LRBA: variants seen among roughly 807,000 people sequenced by gnomAD.
LRBA encodes the protein lipopolysaccharide-responsive and beige-like anchor protein.
In LRBA, 176 loss-of-function variants were observed where a neutral mutation model predicts 330.0. That is an observed-to-expected ratio of 0.53 (90% CI 0.47 to 0.60). The LOEUF (loss-of-function observed/expected upper bound fraction) is 0.60. LRBA is among the 20% of genes least tolerant of loss of function. The pLI, the probability that LRBA is intolerant of heterozygous loss-of-function variation, is 0.00. For missense variants in LRBA, 3,259 were observed against 3,444.8 expected (o/e 0.95, Z 1.35); for synonymous variants, 1,230 against 1,193.0 (o/e 1.03, Z -0.64).
rs775094865 is a variant in LRBA, at chr4:150,806,380, A to T, written c.5409T>A (p.Ala1803=). 5 of 1,609,386 alleles carry T rather than the reference A, an allele frequency of 3.1e-6. No individual in the cohort carries two copies. Among genetic ancestry groups the T allele is most frequent in the Non-Finnish European group, 4.2e-6 (5 of 1,178,140 alleles). The change falls in exon 33 of 57, where the codon GCT becomes GCA. Residue 1803 remains alanine (A), a synonymous_variant. Coordinates refer to ENST00000651943, the MANE Select transcript of LRBA (RefSeq NM_001364905.1). ...GAAGGAGAGGAGCTGCCTTTTCCAAAGCGTGTTCAAGCCTCTCTGTAATAC... is the reference window on the plus strand; with the variant it reads ...GAAGGAGAGGAGCTGCCTTTTCCAATGCGTGTTCAAGCCTCTCTGTAATAC... ...NMSITERLEH[A]LEKAAPLLRE... is the part of the protein sequence containing the mutation.
intron 2 of LRBA, among the ~76,000 whole-genome samples, chr4:151,006,219 C>T (rs914124539): frequency 6.6e-6 from 1 of 151,934 alleles, no homozygotes; most frequent in African/African-American, 2.4e-5. Context: ...GTCAGCTACT[C>T]GGGAAGCTGA....
At chr4:150,838,343 G>C (rs2126860122) in intron 28 of LRBA, among the ~76,000 whole-genome samples, 1 of 152,298 alleles carries the variant, frequency 6.6e-6, no homozygotes, top group East Asian at 1.9e-4. Flanking sequence ...GGCCTGCCTT[G>C]CTAGGTTGGG....
chr4:151,009,876 A>C (rs1054639323), intron 2 of LRBA, among the ~76,000 whole-genome samples: 1 of 151,924 alleles, frequency 6.6e-6, no homozygotes, highest in South Asian at 2.1e-4. Flanking sequence ...GCTACTTGGG[A>C]GGCTGAGGCA....
chr4:150,694,462 C>CAA lies in LRBA; in HGVS notation c.5755-10747_5755-10746dup, dbSNP rs58558446. Among the ~76,000 whole-genome samples the CAA allele has an allele frequency of 5.3e-3, 377 of 71,044 alleles. 46 individuals carry two copies. The highest frequency in any genetic ancestry group is 0.016 in the African/African-American group (335 of 20,424). 46.6% of individuals were successfully genotyped at this position (71,044 alleles called of 152,430 possible). ...CCTTACCTTAAAGTGTGATCTTTAA[C>CAA]AAAAAAAAAAAAAAGCTATCTACAG... On this transcript the variant is annotated intron_variant, in intron 36 of 56. Transcript: ENST00000651943.
intron 44 of LRBA, among the ~76,000 whole-genome samples, chr4:150,463,551 T>C (rs955742387): frequency 2.6e-5 from 4 of 152,034 alleles, no homozygotes; most frequent in African/African-American, 9.7e-5. Context: ...CCCCCTTTTT[T>C]ACTTTTAATG....
chr4:150,829,230 C>G (rs1212434861), intron 29 of LRBA, among the ~76,000 whole-genome samples: 1 of 152,138 alleles, frequency 6.6e-6, no homozygotes, highest in Non-Finnish European at 1.5e-5. Context: ...ACCACCATGC[C>G]TGGCCCAAGT....
chr4:150,629,340 C>CT (rs1269644390), intron 37 of LRBA, among the ~76,000 whole-genome samples: 1 of 152,172 alleles, frequency 6.6e-6, no homozygotes, highest in Non-Finnish European at 1.5e-5. Context: ...AAAATAGCTC[C>CT]TTTTTTTAAA....
At chr4:150,295,685 A>G (rs755813150) in intron 53 of LRBA, among the ~76,000 whole-genome samples, 1 of 152,220 alleles carries the variant, frequency 6.6e-6, no homozygotes, top group Admixed American at 6.5e-5. Flanking sequence ...TACATAGAAT[A>G]CAAGTGTATA....
chr4:150,791,280 C>T (rs1030634581), intron 34 of LRBA, among the ~76,000 whole-genome samples: 1 of 152,130 alleles, frequency 6.6e-6, no homozygotes, highest in African/African-American at 2.4e-5. Flanking sequence ...ACAAGGTACT[C>T]ACTGTGGAAT....
At chr4:150,617,156 T>TTA (rs1775844339) in intron 37 of LRBA, among the ~76,000 whole-genome samples, 1 of 152,208 alleles carries the variant, frequency 6.6e-6, no homozygotes, top group African/African-American at 2.4e-5. Context: ...AATTCATTGA[T>TTA]GGGAGCTGAA....
intron 28 of LRBA, among the ~76,000 whole-genome samples, chr4:150,843,641 T>C (rs1226537426): frequency 6.6e-6 from 1 of 152,186 alleles, no homozygotes; most frequent in South Asian, 2.1e-4. Context: ...TAATATGCCA[T>C]TCAGAAGTTG....
intron 46 of LRBA, among the ~76,000 whole-genome samples, chr4:150,427,020 T>C (rs1190304410): frequency 6.6e-6 from 1 of 151,734 alleles, no homozygotes; most frequent in African/African-American, 2.4e-5. Flanking sequence ...GCAATAATAA[T>C]GCAAACAAAA....
rs1261192837 is a variant in LRBA, at chr4:150,970,303, C to A, written c.217-41238G>T. On this transcript the variant is annotated intron_variant, in intron 2 of 56. Transcript: ENST00000651943. ...TCACTTGAGCCCAGGAGTTTAAGAC[C>A]AGCCTGGGCAACTTAGGGAGACCCC... 2.6e-5 allele frequency among the ~76,000 whole-genome samples: 4 copies of A among 151,888 alleles called. No individual in the cohort carries two copies. The South Asian group carries it at 8.4e-4, about 32-fold the overall frequency.
At chr4:150,337,937 T>C (rs1314813470) in intron 48 of LRBA, among the ~76,000 whole-genome samples, 1 of 152,128 alleles carries the variant, frequency 6.6e-6, no homozygotes, top group Non-Finnish European at 1.5e-5. Flanking sequence ...TGCAGCAGTG[T>C]TGGAGCTGCT....
At chr4:150,792,789 C>T (rs1217968215) in intron 34 of LRBA, among the ~76,000 whole-genome samples, 1 of 152,040 alleles carries the variant, frequency 6.6e-6, no homozygotes, top group Non-Finnish European at 1.5e-5. Flanking sequence ...AAAAAGAGGT[C>T]TAGGCTAGGG....
intron 33 of LRBA, among the ~76,000 whole-genome samples, chr4:150,805,418 G>A (rs1407563027): frequency 1.2e-5 from 1 of 82,084 alleles, no homozygotes. Context: ...GAAAGGAAGG[G>A]AAAGGAAAGG....
At chr4:150,495,349 T>C (rs1292285137) in intron 40 of LRBA, among the ~76,000 whole-genome samples, 1 of 152,114 alleles carries the variant, frequency 6.6e-6, no homozygotes, top group Non-Finnish European at 1.5e-5. Flanking sequence ...AAGTTAAACA[T>C]GACAAAGTCT....
intron 34 of LRBA, among the ~76,000 whole-genome samples, chr4:150,770,586 T>TACAC (rs34361480): frequency 2.8e-4 from 42 of 148,106 alleles, no homozygotes; most frequent in Admixed American, 9.4e-4. Flanking sequence ...TATATATATA[T>TACAC]ACACACACAC....
intron 37 of LRBA, among the ~76,000 whole-genome samples, chr4:150,606,198 C>G (rs1418944677): frequency 1.3e-5 from 2 of 151,922 alleles, no homozygotes; most frequent in African/African-American, 4.8e-5. Context: ...GCCAGTTGAC[C>G]ATTTCTTTCT....
Sources: allele counts gnomAD v4.1 joint callset (sites outside exome capture counted in the v4.1 genomes callset), GRCh38; gene constraint gnomAD v4.1.1; transcripts MANE v1.5; gene names NCBI Gene and HGNC (gene_info 2026-07-23, HGNC 2026-07-21).